Variants in DAB1 observed in about 807,000 individuals in gnomAD.
DAB1 encodes DAB adaptor protein 1.
A neutral mutation model predicts 64.6 loss-of-function variants in DAB1; 15 were observed. The ratio of observed to expected loss-of-function variants is 0.23; its 90% CI spans 0.16 to 0.36. The LOEUF (loss-of-function observed/expected upper bound fraction) is 0.36, where lower values mean the gene tolerates loss of function less well. DAB1 is among the 10% of genes least tolerant of loss of function. The pLI, the probability that DAB1 is intolerant of heterozygous loss-of-function variation, is 1.00. For synonymous variants in DAB1, 235 were observed against 251.9 expected, an observed-to-expected ratio of 0.93 and a Z score of 0.64; for missense variants, 596 against 706.7, an observed-to-expected ratio of 0.84 and a Z score of 1.78.
chr1:57,066,867 A>G (rs551763966), intron 8 of DAB1, among the ~76,000 whole-genome samples: 24 of 152,326 alleles, frequency 1.6e-4, no homozygotes, highest in African/African-American at 5.3e-4. Flanking sequence ...TTAAGTTCAC[A>G]AAAGAGTTAA....
intron 6 of DAB1, among the ~76,000 whole-genome samples, chr1:57,707,402 C>T: frequency 6.8e-6 from 1 of 147,864 alleles, no homozygotes; most frequent in Admixed American, 6.8e-5. Flanking sequence ...GGATGTGTTG[C>T]AATTTCTTAA....
intron 4 of DAB1, among the ~76,000 whole-genome samples, chr1:58,333,267 G>A (rs967181661): frequency 2.0e-5 from 3 of 152,136 alleles, no homozygotes; most frequent in African/African-American, 7.2e-5. Flanking sequence ...CCAATCAACA[G>A]TGGTAGGGGA....
intron 5 of DAB1, among the ~76,000 whole-genome samples, chr1:57,975,727 A>G (rs1645902935): frequency 6.6e-6 from 1 of 152,172 alleles, no homozygotes; most frequent in African/African-American, 2.4e-5. Flanking sequence ...GATGAAATGT[A>G]TTATAAAACT....
rs1005642076 is a variant in DAB1 at position 57,015,026 on chromosome 1, G to A, written c.1301C>T (p.Pro434Leu). 1 of 1,613,998 alleles carries A rather than the reference G, an allele frequency of 6.2e-7. No individual in the cohort carries two copies. The highest frequency in any genetic ancestry group is 8.5e-7 in the Non-Finnish European group (1 of 1,179,896). Reference protein sequence around the residue: ...PPVPSRKPDQPSLTCTSEAFS... With the variant: ...PPVPSRKPDQLSLTCTSEAFS... ...GGCCTCTGAGGTACAGGTGAGGGAG[G>A]GCTGGTCGGGTTTGCGGGAGGGCAC... The change falls in exon 12 of 15, where the codon CCC (proline) becomes CTC (leucine). Residue 434 changes from proline (P) to leucine (L), a missense_variant. Physicochemically the swap from Pro to Leu is moderately conservative, Grantham distance 98. Coordinates refer to ENST00000371236, the MANE Select transcript of DAB1 (RefSeq NM_001365792.1).
At chr1:57,569,010 G>C (rs1464139054) in intron 7 of DAB1, among the ~76,000 whole-genome samples, 1 of 151,946 alleles carries the variant, frequency 6.6e-6, no homozygotes, top group Non-Finnish European at 1.5e-5. Flanking sequence ...TGTAATCCCA[G>C]CACTTTGGGA....
At chr1:57,765,608 T>C (rs1649275445) in intron 6 of DAB1, among the ~76,000 whole-genome samples, 1 of 152,116 alleles carries the variant, frequency 6.6e-6, no homozygotes, top group African/African-American at 2.4e-5. Flanking sequence ...CAAAGCAGCA[T>C]TTGTGAAGGT....
At chr1:57,281,316 G>C (rs1012880312) in intron 2 of DAB1, among the ~76,000 whole-genome samples, 8 of 152,068 alleles carry the variant, frequency 5.3e-5, no homozygotes, top group Non-Finnish European at 1.0e-4. Flanking sequence ...GGGTTGCAGT[G>C]GGTCACCAAA....
In DAB1 at chr1:56,996,368, C is replaced by A. The variant is rs548651229; in HGVS notation, c.*1776G>T. 3 of 152,268 alleles carry A rather than the reference C, an allele frequency of 2.0e-5. No homozygotes were observed. The highest frequency in any genetic ancestry group is 3.9e-4 in the East Asian group (2 of 5,188). The allele number at this position is 152,268 out of a possible 1,614,324, so 9.4% of individuals were successfully genotyped here. A position where few individuals can be genotyped will look rare whatever the true frequency, so the allele number is the denominator to read the frequency against. ...TCAACATACTGTAACTGCATAGGAA[C>A]ATCAGGAAAACACACTTGACCTGTA... is the stretch of plus-strand genomic sequence containing the variant. On this transcript the variant is annotated 3_prime_UTR_variant, in exon 15 of 15. Coordinates refer to ENST00000371236, the MANE Select transcript of DAB1 (RefSeq NM_001365792.1).
chr1:57,601,056 CAGAG>C (rs1448511413), intron 7 of DAB1, among the ~76,000 whole-genome samples: 1 of 151,792 alleles, frequency 6.6e-6, no homozygotes, highest in Non-Finnish European at 1.5e-5. Context: ...CTTTTCCATG[CAGAG>C]AGACTCAATT....
In DAB1 at chr1:57,748,192, C is replaced by A. The variant is rs112890738; in HGVS notation, n.552-98527G>T. The stretch of plus-strand genomic sequence containing the variant: ...AAGTGGTAGATGTAAAATATGTCCT[C>A]TGGGCAACATCAAAGACCTTGCCCC... On this transcript the variant is annotated intron_variant and non_coding_transcript_variant, in intron 6 of 20. Coordinates refer to the DAB1 transcript ENST00000485760. 2.0e-3 allele frequency among the ~76,000 whole-genome samples: 300 copies of A among 152,280 alleles called. 2 individuals carry two copies. Among genetic ancestry groups the A allele is most frequent in the African/African-American group, 7.1e-3 (294 of 41,562 alleles).
At chr1:57,449,700 A>G (rs1029114803) in intron 7 of DAB1, among the ~76,000 whole-genome samples, 1 of 151,974 alleles carries the variant, frequency 6.6e-6, no homozygotes, top group Non-Finnish European at 1.5e-5. Flanking sequence ...TTTTTTACCT[A>G]ATTTCATAAG....
At chr1:57,276,215 G>A (rs1281458369) in intron 2 of DAB1, among the ~76,000 whole-genome samples, 2 of 152,222 alleles carry the variant, frequency 1.3e-5, no homozygotes, top group African/African-American at 4.8e-5. Context: ...AGTGTTAACT[G>A]TTCTCACTCA....
At chr1:58,220,987 ATTGATTT>A (rs1292498266) in intron 4 of DAB1, among the ~76,000 whole-genome samples, 1 of 124,020 alleles carries the variant, frequency 8.1e-6, no homozygotes, top group Non-Finnish European at 1.6e-5. Context: ...AAGCTATGAG[ATTGATTT>A]TTTTTTTTTT....
chr1:57,947,894 G>A (rs1441181362), intron 5 of DAB1, among the ~76,000 whole-genome samples: 3 of 152,172 alleles, frequency 2.0e-5, no homozygotes, highest in South Asian at 2.1e-4. Context: ...AAAATAAACC[G>A]TGGTCTCCTT....
chr1:58,485,496 C>A (rs1382064658), intron 3 of DAB1, among the ~76,000 whole-genome samples: 1 of 151,914 alleles, frequency 6.6e-6, no homozygotes. Context: ...TTTCTCCTCC[C>A]CAAATATCTA....
intron 2 of DAB1, among the ~76,000 whole-genome samples, chr1:57,147,778 A>G (rs1308835546): frequency 6.6e-6 from 1 of 152,192 alleles, no homozygotes; most frequent in Non-Finnish European, 1.5e-5. Context: ...ATATGCATCA[A>G]CTTGTTAAGT....
intron 4 of DAB1, among the ~76,000 whole-genome samples, chr1:58,212,856 A>C (rs753557290): frequency 5.3e-5 from 8 of 152,172 alleles, no homozygotes; most frequent in Non-Finnish European, 1.0e-4. Flanking sequence ...GGTTGTTAAA[A>C]ACTTTTAGTT....
chr1:57,486,437 T>C (rs1324515270), intron 7 of DAB1, among the ~76,000 whole-genome samples: 1 of 152,202 alleles, frequency 6.6e-6, no homozygotes, highest in East Asian at 1.9e-4. Flanking sequence ...GAGGAGAGAC[T>C]GCCAGTCTGG....
chr1:58,282,605 T>TAAA (rs10641105), intron 4 of DAB1, among the ~76,000 whole-genome samples: 83,380 of 147,856 alleles, frequency 0.56, 26,372 homozygotes, highest in Middle Eastern at 0.71. Context: ...GCCTTTGTTC[T>TAAA]AAAAAAAAAA....
Sources: allele counts gnomAD v4.1 joint callset (sites outside exome capture counted in the v4.1 genomes callset), GRCh38; gene constraint gnomAD v4.1.1; transcripts MANE v1.5; gene names NCBI Gene and HGNC (gene_info 2026-07-23, HGNC 2026-07-21).